PDE2A: variants seen among roughly 807,000 people sequenced by gnomAD.
PDE2A encodes the protein phosphodiesterase 2A, also known as cGMP-dependent 3',5'-cyclic phosphodiesterase.
PDE2A carries 53 observed loss-of-function variants against 133.6 expected under a neutral mutation model. The observed-to-expected ratio is 0.40, with a 90% CI of 0.32 to 0.50. The LOEUF (loss-of-function observed/expected upper bound fraction) is 0.50, where lower values mean the gene tolerates loss of function less well. Among genes scored for constraint, PDE2A ranks in the 20% least tolerant of loss-of-function variants. The pLI, the probability that PDE2A is intolerant of heterozygous loss-of-function variation, is 0.73. For missense variants in PDE2A, 796 were observed against 1,232.4 expected (o/e 0.65, Z 5.30); for synonymous variants, 491 against 490.2 (o/e 1.00, Z -0.02).
intron 1 of PDE2A, among the ~76,000 whole-genome samples, chr11:72,657,662 T>C (rs1193182115): frequency 6.6e-6 from 1 of 152,154 alleles, no homozygotes; most frequent in Non-Finnish European, 1.5e-5. Context: ...GGAAGGCCTA[T>C]GAGGTGTGAG....
chr11:72,578,300 G>A lies in PDE2A; in HGVS notation c.2548C>T (p.Arg850Trp). Residue 850 changes from arginine to tryptophan, a missense_variant, in exon 30 of 31, where the codon CGG (arginine) becomes TGG (tryptophan). Arg to Trp is a moderately radical substitution (Grantham distance 101, BLOSUM62 -3). Transcript: ENST00000334456. The surrounding 1 kb of genome is among the most constrained non-coding windows in gnomAD (Gnocchi z 4.2). ...MGNRPMEMMD[R>W]EKAYIPELQI... ...AGCTCAGGGATATAGGCCTTCTCCC[G>A]GTCCATCATCTCCATCGGCCTGTTG... The A allele has an allele frequency of 6.2e-7, 1 of 1,613,880 alleles. No homozygotes were observed. Among genetic ancestry groups the A allele is most frequent in the Non-Finnish European group, 8.5e-7 (1 of 1,179,884 alleles).
intron 1 of PDE2A, 156 bp from the exon 2 acceptor site, chr11:72,642,482 G>GC (rs1859002896): frequency 2.8e-6 from 2 of 722,902 alleles, no homozygotes; most frequent in Non-Finnish European, 3.2e-6. Context: ...CCCCGCCCCG[G>GC]CCCGCCCCCC....
At position 72,586,193 on chromosome 11, in the gene PDE2A, G is replaced by T; in HGVS notation, c.1071-12C>A. 1 of 1,520,914 alleles carries T rather than the reference G, an allele frequency of 6.6e-7. No individual in the cohort carries two copies. The highest frequency in any genetic ancestry group is 9.1e-7 in the Non-Finnish European group (1 of 1,098,956). The allele number at this position is 1,520,914 out of a possible 1,614,324, so 94.2% of individuals were successfully genotyped here. The stretch of plus-strand genomic sequence containing the variant: ...CCTCGTCGGTGAACCTGGAGGAGGG[G>T]GTGGGCTCACTCAGGAGGGAAGGGA... On this transcript the variant is annotated splice_polypyrimidine_tract_variant and intron_variant, in intron 13 of 30. Transcript: ENST00000334456.
At chr11:72,620,347 A>G (rs1300547670) in intron 2 of PDE2A, among the ~76,000 whole-genome samples, 2 of 152,098 alleles carry the variant, frequency 1.3e-5, no homozygotes, top group South Asian at 2.1e-4. Flanking sequence ...CTCAGAAGCC[A>G]CAAGGGGGAC....
At chr11:72,641,532 C>T (rs1858950741) in intron 2 of PDE2A, among the ~76,000 whole-genome samples, 1 of 152,124 alleles carries the variant, frequency 6.6e-6, no homozygotes, top group South Asian at 2.1e-4. Context: ...AATTAGAGAG[C>T]CCAGAAATAC....
At chr11:72,605,070 G>C (rs1255159973) in intron 4 of PDE2A, 68 bp downstream of exon 4, 2 of 1,002,350 alleles carry the variant, frequency 2.0e-6, no homozygotes, top group Non-Finnish European at 3.1e-6. Flanking sequence ...GATGACCTTG[G>C]ATGGTGCCTC....
At chr11:72,591,396 C>T (rs765597556) in intron 6 of PDE2A, 40 bp from the exon 7 acceptor site, 10 of 1,532,514 alleles carry the variant, frequency 6.5e-6, no homozygotes, top group Non-Finnish European at 9.0e-6. Context: ...TGACCTCTCT[C>T]AGTGTCTGTC....
Position 72,578,032 on chromosome 11 carries a change from T to A in PDE2A, c.2615+201A>T, listed in dbSNP as rs937367875. On this transcript the variant is annotated intron_variant, in intron 30 of 30. Transcript: ENST00000334456. This position sits in a 1 kb window ranked among gnomAD's most constrained non-coding sequence, Gnocchi z 4.2. The stretch of plus-strand genomic sequence containing the variant: ...GAGGAGGACACCTAGGAAAGCATGA[T>A]GGTCTCTTTCCACTGAGGACCAAGG... 6.6e-6 allele frequency among the ~76,000 whole-genome samples: 1 copy of A among 152,188 alleles called. No homozygotes were observed. Among genetic ancestry groups the A allele is most frequent in the African/African-American group, 2.4e-5 (1 of 41,442 alleles).
intron 1 of PDE2A, among the ~76,000 whole-genome samples, chr11:72,672,042 T>A (rs954948404): frequency 1.6e-4 from 25 of 152,026 alleles, no homozygotes; most frequent in African/African-American, 5.6e-4. Flanking sequence ...TTTCCCAAGT[T>A]CTCAAAAAGC....
In PDE2A at chr11:72,578,136, G is replaced by T; in HGVS notation, c.2615+97C>A. On this transcript the variant is annotated intron_variant, in intron 30 of 30. Coordinates refer to ENST00000334456, the MANE Select transcript of PDE2A (RefSeq NM_002599.5). This position sits in a 1 kb window ranked among gnomAD's most constrained non-coding sequence, Gnocchi z 4.2. Reference sequence around the variant, plus strand: ...CAAGGGGATGAATCAGTTGGACCTGGGCCAGGCCAATCTCAGCACCTGTGT... The same window carrying T: ...CAAGGGGATGAATCAGTTGGACCTGTGCCAGGCCAATCTCAGCACCTGTGT... 2 of 809,764 alleles carry T rather than the reference G, an allele frequency of 2.5e-6. No individual in the cohort carries two copies. Among genetic ancestry groups the T allele is most frequent in the Non-Finnish European group, 2.1e-6 (1 of 466,228 alleles). The allele number at this position is 809,764 out of a possible 1,614,324, so 50.2% of individuals were successfully genotyped here.
intron 16 of PDE2A, 131 bp from the exon 17 acceptor site, chr11:72,585,075 G>T: frequency 1.2e-6 from 1 of 849,418 alleles, no homozygotes; most frequent in Non-Finnish European, 1.9e-6. Flanking sequence ...CTCTGCTCAG[G>T]GCTGGCTGGC....
intron 2 of PDE2A, among the ~76,000 whole-genome samples, chr11:72,631,943 C>G (rs770561906): frequency 1.3e-5 from 2 of 151,802 alleles, no homozygotes; most frequent in African/African-American, 4.8e-5. Flanking sequence ...AGCCTGGCTT[C>G]GTTCCCGTCA....
At chr11:72,611,348 C>T (rs575693643) in intron 2 of PDE2A, among the ~76,000 whole-genome samples, 2 of 152,282 alleles carry the variant, frequency 1.3e-5, no homozygotes, top group South Asian at 2.1e-4. Flanking sequence ...GGATCTCTAG[C>T]CCTGTCTGGT....
chr11:72,610,066 G>A (rs918173924), intron 2 of PDE2A, among the ~76,000 whole-genome samples: 4 of 151,982 alleles, frequency 2.6e-5, no homozygotes, highest in Non-Finnish European at 5.9e-5. Context: ...CAGAGGAGGC[G>A]ACCTATGAAA....
intron 2 of PDE2A, among the ~76,000 whole-genome samples, chr11:72,639,397 C>T (rs963121864): frequency 6.6e-6 from 1 of 152,136 alleles, no homozygotes; most frequent in Non-Finnish European, 1.5e-5. Flanking sequence ...CTTGGCTGCT[C>T]GGCTGCTCAG....
chr11:72,655,946 C>A (rs1854887345), intron 1 of PDE2A, among the ~76,000 whole-genome samples: 1 of 152,158 alleles, frequency 6.6e-6, no homozygotes, highest in African/African-American at 2.4e-5. Flanking sequence ...CCTGCTGTGC[C>A]CCCCTTCTCC....
At chr11:72,648,834 G>T (rs983560801) in intron 1 of PDE2A, among the ~76,000 whole-genome samples, 1 of 152,098 alleles carries the variant, frequency 6.6e-6, no homozygotes, top group East Asian at 1.9e-4. Context: ...TCTTTCCATA[G>T]ATACACGTCC....
chr11:72,643,632 G>A (rs1591123770), intron 1 of PDE2A: 1 of 152,360 alleles, frequency 6.6e-6, no homozygotes, highest in East Asian at 1.9e-4. Context: ...CGGTGACTCA[G>A]TGAGCTCCCA....
At position 72,590,722 on chromosome 11, in the gene PDE2A, G is replaced by T; in HGVS notation, c.550-142C>A. 1.3e-6 allele frequency: 1 copy of T among 761,538 alleles called. No individual in the cohort carries two copies. The highest frequency in any genetic ancestry group is 1.9e-6 in the Non-Finnish European group (1 of 527,046). The allele number at this position is 761,538 out of a possible 1,614,324, so 47.2% of individuals were successfully genotyped here. A position where few individuals can be genotyped will look rare whatever the true frequency, so the allele number is the denominator to read the frequency against. ...CCGCCGTCCCAAACACCTCATCCCT[G>T]GACTCTACCTTCCTGAGGGCTCCCC... On this transcript the variant is annotated intron_variant, in intron 7 of 30. Transcript: ENST00000334456. This position sits in a 1 kb window ranked among gnomAD's most constrained non-coding sequence, Gnocchi z 4.8.
Sources: gnomAD v4.1 joint callset for allele counts (sites outside exome capture counted in the v4.1 genomes callset) on GRCh38, gnomAD v4.1.1 for gene constraint, Gnocchi (gnomAD v3.1) non-coding constraint, MANE v1.5 for transcripts, NCBI Gene and HGNC (gene_info 2026-07-23, HGNC 2026-07-21) for gene names.